Variants in TENM3 observed in about 807,000 individuals in gnomAD.
TENM3 encodes teneurin transmembrane protein 3.
Under a neutral mutation model 255.1 loss-of-function variants are expected in TENM3, and 63 were observed. The observed-to-expected ratio is 0.25, with a 90% CI of 0.20 to 0.30. TENM3 has a LOEUF of 0.30. TENM3 is among the 10% of genes least tolerant of loss of function. The pLI is 1.00. For missense variants in TENM3, 2,929 were observed against 3,461.1 expected (o/e 0.85, Z 3.86); for synonymous variants, 1,306 against 1,322.3 (o/e 0.99, Z 0.27).
the TENM3 span, among the ~76,000 whole-genome samples, chr4:181,669,600 C>T: frequency 6.6e-6 from 1 of 152,114 alleles, no homozygotes; most frequent in Non-Finnish European, 1.5e-5. Flanking sequence ...AGTGTTACCC[C>T]ATTCTGACTT....
intron 5 of TENM3, among the ~76,000 whole-genome samples, chr4:182,634,777 A>G (rs919645955): frequency 1.3e-5 from 2 of 151,702 alleles, no homozygotes; most frequent in African/African-American, 4.8e-5. Context: ...CAAAAAGGAG[A>G]AGAGTCCATG....
chr4:181,476,115 A>T, the TENM3 span, among the ~76,000 whole-genome samples: 1 of 152,164 alleles, frequency 6.6e-6, no homozygotes, highest in Admixed American at 6.5e-5. Flanking sequence ...CTGGGCAAAA[A>T]TGTTTAAGCT....
upstream of TENM3, chr4:182,143,854 G>C (rs1749661354): frequency 2.0e-5 from 3 of 152,478 alleles, no homozygotes; most frequent in Admixed American, 6.5e-5. This position sits in a 1 kb window ranked among gnomAD's most constrained non-coding sequence, Gnocchi z 4.3. Flanking sequence ...CCTAAATCAC[G>C]GCGAGAGTAG....
intron 3 of TENM3, among the ~76,000 whole-genome samples, chr4:182,549,009 TC>T (rs1741741960): frequency 6.6e-6 from 1 of 152,222 alleles, no homozygotes; most frequent in African/African-American, 2.4e-5. Flanking sequence ...GTGGTTTTTT[TC>T]TCTCTTACTT....
chr4:182,198,497 A>C lies in TENM3; in HGVS notation c.-76+53743A>C, dbSNP rs866077478. 2.6e-5 allele frequency among the ~76,000 whole-genome samples: 4 copies of C among 152,344 alleles called. No individual in the cohort carries two copies. The Middle Eastern group carries it at 0.01, about 389-fold the overall frequency. ...GCTTTGGGATTCAGCCAACCCTTCCAGGTATTGGGGTGAACTGTGCAGCTT... is the reference window on the plus strand; with the variant it reads ...GCTTTGGGATTCAGCCAACCCTTCCCGGTATTGGGGTGAACTGTGCAGCTT... On this transcript the variant is annotated intron_variant, in intron 1 of 2. Coordinates refer to the TENM3 transcript ENST00000512480.
In TENM3 at chr4:182,720,076, AC is replaced by A. The variant is rs542039902; in HGVS notation, c.2368+5844del. The stretch of plus-strand genomic sequence containing the variant: ...GACCCTGTCTCTCACACACACACAC[AC>A]ACAAACAAACTGCAATAAAAAGTAG... On this transcript the variant is annotated intron_variant, in intron 13 of 27. Coordinates refer to ENST00000511685, the MANE Select transcript of TENM3 (RefSeq NM_001080477.4). 1.6e-3 allele frequency among the ~76,000 whole-genome samples: 243 copies of A among 152,172 alleles called. 4 individuals are homozygous for A. In the South Asian group the frequency reaches 0.021, roughly 13 times the overall value.
Position 182,753,478 on chromosome 4 carries a change from C to A in TENM3, c.3891C>A (p.Ile1297=). The stretch of plus-strand genomic sequence containing the variant: ...TGGCAGTTGATAAGAATGGATTAAT[C>A]TACTTTGTTGATGGAACCATGATTA... ...KGMAVDKNGL[I]YFVDGTMIRK... The change falls in exon 21 of 28, where the codon ATC becomes ATA. Residue 1297 remains isoleucine (I), a synonymous_variant. Transcript: ENST00000511685. 6.2e-7 allele frequency: 1 copy of A among 1,613,790 alleles called. No homozygotes were observed. Among genetic ancestry groups the A allele is most frequent in the Non-Finnish European group, 8.5e-7 (1 of 1,179,730 alleles).
At chr4:181,531,776 T>C in the TENM3 span, among the ~76,000 whole-genome samples, 11 of 152,304 alleles carry the variant, frequency 7.2e-5, no homozygotes, top group Middle Eastern at 3.4e-3. Context: ...TACACGGGAC[T>C]GGGGAAAGGG....
rs537260332 is a variant in TENM3, at chr4:182,766,374, A to T, written c.4893-7098A>T. ...GCCTTCCTCACTCGATAAACAATTTAAAAAAGAAAAAAAAAAGACAGACTG... is the reference window on the plus strand; with the variant it reads ...GCCTTCCTCACTCGATAAACAATTTTAAAAAGAAAAAAAAAAGACAGACTG... On this transcript the variant is annotated intron_variant, in intron 22 of 27. Transcript: ENST00000511685. 1.6e-4 allele frequency among the ~76,000 whole-genome samples: 24 copies of T among 152,218 alleles called. No homozygotes were observed. The South Asian group carries it at 1.9e-3, about 12-fold the overall frequency.
chr4:182,011,951 T>C, the TENM3 span, among the ~76,000 whole-genome samples: 4 of 152,168 alleles, frequency 2.6e-5, no homozygotes, highest in South Asian at 4.1e-4. Context: ...AATCACAGAC[T>C]AAGCCCATTC....
chr4:182,325,591 T>C (rs1763340414), intron 2 of TENM3, among the ~76,000 whole-genome samples: 1 of 152,224 alleles, frequency 6.6e-6, no homozygotes, highest in African/African-American at 2.4e-5. Flanking sequence ...ATTTTTTTCA[T>C]ATTGTCTGCA....
At chr4:182,386,924 T>C (rs550470877) in intron 3 of TENM3, among the ~76,000 whole-genome samples, 18 of 152,188 alleles carry the variant, frequency 1.2e-4, no homozygotes, top group Non-Finnish European at 2.1e-4. Flanking sequence ...GCCCAAGGGC[T>C]GAGGAGTGCG....
the TENM3 span, among the ~76,000 whole-genome samples, chr4:181,929,186 C>T: frequency 2.0e-5 from 3 of 152,180 alleles, no homozygotes; most frequent in South Asian, 2.1e-4. Context: ...CAATAGTAAC[C>T]TTAAATGTAA....
At chr4:182,203,580 G>A (rs2597122) in intron 1 of TENM3, among the ~76,000 whole-genome samples, 4 of 152,160 alleles carry the variant, frequency 2.6e-5, no homozygotes, top group Non-Finnish European at 5.9e-5. Flanking sequence ...ACAGACTTGA[G>A]TTGGAGCAGC....
the TENM3 span, among the ~76,000 whole-genome samples, chr4:181,715,320 G>A: frequency 6.6e-6 from 1 of 152,132 alleles, no homozygotes; most frequent in Admixed American, 6.5e-5. Context: ...GTGTTTAGAT[G>A]TTACACATAG....
intron 3 of TENM3, among the ~76,000 whole-genome samples, chr4:182,510,793 A>G (rs973190023): frequency 4.6e-5 from 7 of 152,148 alleles, no homozygotes; most frequent in Non-Finnish European, 8.8e-5. Context: ...TATATATTCT[A>G]TCTTCTTGTA....
In TENM3 at chr4:182,799,926, C is replaced by T. The variant is rs1766797690; in HGVS notation, c.7675C>T (p.Leu2559=). The T allele has an allele frequency of 6.2e-7, 1 of 1,600,666 alleles. No homozygotes were observed. The highest frequency in any genetic ancestry group is 8.5e-7 in the Non-Finnish European group (1 of 1,173,976). ...CAAGACCACCACGCCCGAGAGCGAC[C>T]TGGGCACGCTGCGGTTGACCAGCGG... ...FIKTTTPESD[L]GTLRLTSGRK... Residue 2559 remains leucine (L), a synonymous_variant, in exon 28 of 28, where the codon CTG becomes TTG. Transcript: ENST00000511685. This position sits in a 1 kb window ranked among gnomAD's most constrained non-coding sequence, Gnocchi z 4.2.
At chr4:182,418,465 G>A (rs890052479) in intron 3 of TENM3, among the ~76,000 whole-genome samples, 2 of 152,146 alleles carry the variant, frequency 1.3e-5, no homozygotes, top group African/African-American at 4.8e-5. Flanking sequence ...GTTGGGGGGT[G>A]GGGTAGTGAT....
chr4:182,604,601 A>C (rs571438328), intron 4 of TENM3, among the ~76,000 whole-genome samples: 1 of 152,188 alleles, frequency 6.6e-6, no homozygotes, highest in Non-Finnish European at 1.5e-5. Context: ...AGTAACTCTC[A>C]TTGAGAAGCC....
Sources: allele counts gnomAD v4.1 joint callset (sites outside exome capture counted in the v4.1 genomes callset), GRCh38; gene constraint gnomAD v4.1.1; non-coding constraint Gnocchi (gnomAD v3.1); transcripts MANE v1.5; gene names NCBI Gene and HGNC (gene_info 2026-07-23, HGNC 2026-07-21).